The following ST3GAL3 variants were observed in gnomAD, a reference collection of about 807,000 sequenced individuals.
The protein encoded by ST3GAL3 is CMP-N-acetylneuraminate-beta-1,4-galactoside alpha-2,3-sialyltransferase.
A neutral mutation model predicts 50.1 loss-of-function variants in ST3GAL3; 21 were observed. The ratio of observed to expected loss-of-function variants is 0.42; its 90% confidence interval spans 0.30 to 0.60. The LOEUF (loss-of-function observed/expected upper bound fraction) is 0.60, where lower values mean the gene tolerates loss of function less well. ST3GAL3 is among the 20% of genes least tolerant of loss of function. The pLI, the probability that ST3GAL3 is intolerant of heterozygous loss-of-function variation, is 0.19. For missense variants in ST3GAL3, 353 were observed against 489.4 expected (o/e 0.72, Z 2.63); for synonymous variants, 183 against 190.0 (o/e 0.96, Z 0.30).
chr1:43,734,219 A>G (rs1677197953), intron 1 of ST3GAL3, among the ~76,000 whole-genome samples: 1 of 149,328 alleles, frequency 6.7e-6, no homozygotes, highest in Admixed American at 6.7e-5. Flanking sequence ...TAGTTATTTT[A>G]TAGATTTTGT....
chr1:43,761,290 A>T (rs2154121265), intron 2 of ST3GAL3, among the ~76,000 whole-genome samples: 1 of 151,576 alleles, frequency 6.6e-6, no homozygotes, highest in South Asian at 2.1e-4. Flanking sequence ...TCAAAATTTA[A>T]GTAGCTAACT....
intron 1 of ST3GAL3, among the ~76,000 whole-genome samples, chr1:43,712,658 C>T (rs1026556498): frequency 7.2e-5 from 11 of 151,918 alleles, no homozygotes; most frequent in Non-Finnish European, 1.5e-4. Flanking sequence ...AATATGAGTA[C>T]TGGTTTTCTA....
chr1:43,887,605 A>G (rs2076161498), intron 5 of ST3GAL3, among the ~76,000 whole-genome samples: 1 of 152,224 alleles, frequency 6.6e-6, no homozygotes, highest in Admixed American at 6.5e-5. Flanking sequence ...CAAGTAAGTC[A>G]TCTTCGAGGC....
intron 1 of ST3GAL3, among the ~76,000 whole-genome samples, chr1:43,728,138 C>T (rs1223789180): frequency 6.6e-6 from 1 of 152,066 alleles, no homozygotes; most frequent in East Asian, 1.9e-4. Flanking sequence ...GTTTTCTGTT[C>T]CTGCGTTAAT....
At chr1:43,756,116 A>AAAAAAAAAAAAAAAAAG (rs763780680) in intron 2 of ST3GAL3, among the ~76,000 whole-genome samples, 4 of 136,816 alleles carry the variant, frequency 2.9e-5, no homozygotes, top group Non-Finnish European at 4.7e-5. Context: ...AAAAAAAAAA[A>AAAAAAAAAAAAAAAAAG]AAGAAGAAGA....
At chr1:43,796,519 G>A (rs1264209375) in intron 3 of ST3GAL3, among the ~76,000 whole-genome samples, 1 of 152,188 alleles carries the variant, frequency 6.6e-6, no homozygotes, top group Non-Finnish European at 1.5e-5. Flanking sequence ...ACACACAGAG[G>A]ACTCTTCTGA....
At chr1:43,828,077 A>C (rs971834213) in intron 4 of ST3GAL3, among the ~76,000 whole-genome samples, 1 of 152,214 alleles carries the variant, frequency 6.6e-6, no homozygotes, top group African/African-American at 2.4e-5. Context: ...ATAGAATAGG[A>C]TAGAGATCCC....
intron 5 of ST3GAL3, among the ~76,000 whole-genome samples, chr1:43,843,946 T>C (rs574366221): frequency 1.3e-5 from 2 of 152,386 alleles, no homozygotes; most frequent in African/African-American, 4.8e-5. Flanking sequence ...GGTTGTTACC[T>C]ATACATCTCG....
At chr1:43,840,646 G>A (rs917954940) in intron 5 of ST3GAL3, 1 of 151,730 alleles carries the variant, frequency 6.6e-6, no homozygotes, top group Non-Finnish European at 1.5e-5. Flanking sequence ...TTTGTGGCTT[G>A]TGGGGCATCA....
intron 2 of ST3GAL3, among the ~76,000 whole-genome samples, chr1:43,744,410 C>T (rs1682538610): frequency 6.6e-6 from 1 of 151,848 alleles, no homozygotes; most frequent in African/African-American, 2.4e-5. Context: ...CCATCATGCC[C>T]AGCTAATTTT....
At chr1:43,782,736 T>C (rs542139642) in intron 2 of ST3GAL3, among the ~76,000 whole-genome samples, 1 of 143,116 alleles carries the variant, frequency 7.0e-6, no homozygotes, top group Non-Finnish European at 1.6e-5. Flanking sequence ...CATCTAATCC[T>C]CATGACATGG....
intron 4 of ST3GAL3, among the ~76,000 whole-genome samples, chr1:43,835,320 C>T (rs1278848885): frequency 6.6e-6 from 1 of 152,154 alleles, no homozygotes; most frequent in Non-Finnish European, 1.5e-5. Flanking sequence ...TCCCAGCCTG[C>T]TGGATGACTC....
intron 5 of ST3GAL3, among the ~76,000 whole-genome samples, chr1:43,857,572 TTTCCTTCCTCCCTC>T (rs2068763331): frequency 1.2e-5 from 1 of 80,878 alleles, no homozygotes; most frequent in Non-Finnish European, 2.3e-5. Context: ...TCCTTCTTTC[TTTCCTTCCTCCCTC>T]CCTTCCTTCC....
chr1:43,739,885 G>A (rs566271836), intron 2 of ST3GAL3, among the ~76,000 whole-genome samples: 186 of 152,252 alleles, frequency 1.2e-3, no homozygotes, highest in African/African-American at 4.2e-3. Context: ...CTTCAAGTAT[G>A]AAAATAGTCT....
chr1:43,813,913 A>G (rs546283000), intron 3 of ST3GAL3, among the ~76,000 whole-genome samples: 2,012 of 132,454 alleles, frequency 0.015, 45 homozygotes, highest in African/African-American at 0.051. Context: ...GCACACACAC[A>G]CACACACACA....
At chr1:43,776,719 G>T (rs984435251) in intron 2 of ST3GAL3, among the ~76,000 whole-genome samples, 1 of 152,078 alleles carries the variant, frequency 6.6e-6, no homozygotes, top group Admixed American at 6.5e-5. Flanking sequence ...CTTCCTCCCT[G>T]TGCCCTCCAT....
intron 4 of ST3GAL3, among the ~76,000 whole-genome samples, chr1:43,823,097 A>C (rs1266868840): frequency 6.6e-6 from 1 of 151,848 alleles, no homozygotes; most frequent in Non-Finnish European, 1.5e-5. Context: ...ACTCTGTCCA[A>C]ACCACCATCT....
At chr1:43,821,011 T>A (rs2062022273) in intron 4 of ST3GAL3, among the ~76,000 whole-genome samples, 2 of 152,204 alleles carry the variant, frequency 1.3e-5, no homozygotes, top group African/African-American at 4.8e-5. Flanking sequence ...TGCCTCCTGC[T>A]CCATACCCCA....
intron 5 of ST3GAL3, among the ~76,000 whole-genome samples, chr1:43,848,129 A>G (rs2066573339): frequency 6.6e-6 from 1 of 152,106 alleles, no homozygotes; most frequent in African/African-American, 2.4e-5. Context: ...TACCTTAAAT[A>G]TGTAACTCTA....
Sources: gnomAD v4.1 joint callset for allele counts (sites outside exome capture counted in the v4.1 genomes callset) on GRCh38, gnomAD v4.1.1 for gene constraint, MANE v1.5 for transcripts, NCBI Gene and HGNC (gene_info 2026-07-23, HGNC 2026-07-21) for gene names.